The following CSF1R variants were observed in gnomAD, a reference collection of about 807,000 sequenced individuals.
CSF1R encodes the protein colony stimulating factor 1 receptor.
In CSF1R, 40 loss-of-function variants were observed where a neutral mutation model predicts 110.0. The observed-to-expected ratio is 0.36, with a 90% confidence interval of 0.28 to 0.47. The LOEUF (loss-of-function observed/expected upper bound fraction) is 0.47, where lower values mean the gene tolerates loss of function less well. Ranked by LOEUF, CSF1R falls within the 20% of genes least tolerant of loss-of-function variation. The pLI, the probability that CSF1R is intolerant of heterozygous loss-of-function variation, is 0.99. For synonymous variants in CSF1R, 523 were observed against 503.4 expected (o/e 1.04, Z -0.52); for missense variants, 1,052 against 1,253.0 (o/e 0.84, Z 2.42).
chr5:150,069,864 C>T lies in CSF1R; in HGVS notation c.1510+9G>A, dbSNP rs1757955626. 3 of 1,597,848 alleles carry T rather than the reference C, an allele frequency of 1.9e-6. No homozygotes were observed. Among genetic ancestry groups the T allele is most frequent in the South Asian group, 1.1e-5 (1 of 89,934 alleles). On this transcript the variant is annotated intron_variant, in intron 9 of 20. Transcript: ENST00000675795. ...GGGGGGCGGTGCGGGTGCGAAGGCT[C>T]CCTCTCACCTGCAGAGATGGGTATG...
chr5:150,062,294 C>A (rs1254120754), intron 10 of CSF1R, among the ~76,000 whole-genome samples: 2 of 139,954 alleles, frequency 1.4e-5, no homozygotes, highest in Non-Finnish European at 3.1e-5. Flanking sequence ...ATGAAATTTA[C>A]CATTTCAACC....
intron 10 of CSF1R, among the ~76,000 whole-genome samples, chr5:150,064,760 A>T (rs77972686): frequency 0.013 from 1,998 of 152,158 alleles, 40 homozygotes; most frequent in African/African-American, 0.045. Context: ...ATCAAGGAGG[A>T]TGGAGGTTTG....
In CSF1R at chr5:150,060,985, A is replaced by G; in HGVS notation, c.1859-13T>C. On this transcript the variant is annotated splice_polypyrimidine_tract_variant and intron_variant, in intron 12 of 20. Coordinates refer to ENST00000675795, the MANE Select transcript of CSF1R (RefSeq NM_001288705.3). ...GCATGGGCCGTGGCTGGGAGGAAGAACCACAGTCCCAAAGACAGGGAGAGG... is the reference window on the plus strand; with the variant it reads ...GCATGGGCCGTGGCTGGGAGGAAGAGCCACAGTCCCAAAGACAGGGAGAGG... 6.4e-7 allele frequency: 1 copy of G among 1,571,226 alleles called. No homozygotes were observed. The highest frequency in any genetic ancestry group is 8.7e-7 in the Non-Finnish European group (1 of 1,152,526).
In CSF1R at chr5:150,080,106, G is replaced by A; in HGVS notation, c.538C>T (p.Leu180=). 1.2e-6 allele frequency: 2 copies of A among 1,614,146 alleles called. No homozygotes were observed. Among genetic ancestry groups the A allele is most frequent in the South Asian group, 2.2e-5 (2 of 91,082 alleles). ...GACATCACCTTCCTGCCACCCATCA[G>A]GGCACTGCATTGATAGTCCTGGCTC... ...IQSQDYQCSA[L]MGGRKVMSIS... is the part of the protein sequence containing the mutation. The change falls in exon 3 of 21, where the codon CTG becomes TTG. Residue 180 remains leucine, a synonymous_variant. Coordinates refer to ENST00000675795, the MANE Select transcript of CSF1R (RefSeq NM_001288705.3).
intron 9 of CSF1R, 80 bp downstream of exon 9, chr5:150,069,793 G>A: frequency 7.9e-7 from 1 of 1,261,852 alleles, no homozygotes; most frequent in East Asian, 3.0e-5. Context: ...CCTCGGTGGG[G>A]GGTGGGGGAG....
At chr5:150,096,431 A>G (rs1759225085) in intron 1 of CSF1R, among the ~76,000 whole-genome samples, 1 of 152,222 alleles carries the variant, frequency 6.6e-6, no homozygotes, top group African/African-American at 2.4e-5. Flanking sequence ...CAATTCTACA[A>G]AAACTGTTTA....
intron 1 of CSF1R, among the ~76,000 whole-genome samples, chr5:150,108,327 G>A (rs1011411102): frequency 6.6e-6 from 1 of 152,134 alleles, no homozygotes; most frequent in African/African-American, 2.4e-5. Context: ...TAAAAGACTG[G>A]GCATTCTAGG....
chr5:150,101,659 TC>T (rs1759408778), intron 1 of CSF1R, among the ~76,000 whole-genome samples: 1 of 136,186 alleles, frequency 7.3e-6, no homozygotes, highest in Non-Finnish European at 1.6e-5. Context: ...TTCCTTGCCT[TC>T]TTTTTTTTTT....
At chr5:150,078,359 C>T in intron 3 of CSF1R, 111 bp from the exon 4 acceptor site, 1 of 1,371,140 alleles carries the variant, frequency 7.3e-7, no homozygotes, top group Non-Finnish European at 9.8e-7. Flanking sequence ...CCCATCACTG[C>T]CCCATCCCAA....
chr5:150,110,953 G>A (rs1028382507), intron 1 of CSF1R, among the ~76,000 whole-genome samples: 2 of 150,912 alleles, frequency 1.3e-5, no homozygotes, highest in African/African-American at 4.9e-5. Context: ...TATTAAGATG[G>A]AATCACTGCT....
At chr5:150,092,337 C>CA (rs1355601605) in intron 1 of CSF1R, among the ~76,000 whole-genome samples, 1 of 152,220 alleles carries the variant, frequency 6.6e-6, no homozygotes, top group African/African-American at 2.4e-5. Flanking sequence ...ATTTCACTTT[C>CA]ACATATGCAT....
At chr5:150,081,835 G>T (rs961452490) in intron 1 of CSF1R, among the ~76,000 whole-genome samples, 9 of 152,214 alleles carry the variant, frequency 5.9e-5, no homozygotes. Flanking sequence ...GGAGAAAAGA[G>T]AACTTGAAAC....
At chr5:150,106,418 G>A (rs888795981) in intron 1 of CSF1R, among the ~76,000 whole-genome samples, 1 of 152,030 alleles carries the variant, frequency 6.6e-6, no homozygotes, top group East Asian at 1.9e-4. Flanking sequence ...CCACCCTCCT[G>A]CCCAGTTAAC....
At chr5:150,054,993 CAAAAAAAA>C (rs11342950) in intron 19 of CSF1R, among the ~76,000 whole-genome samples, 3 of 74,786 alleles carry the variant, frequency 4.0e-5, no homozygotes, top group Admixed American at 1.4e-4. Flanking sequence ...GATGCTGTCT[CAAAAAAAA>C]AAAAAAAAAA....
At chr5:150,101,008 C>T (rs143587422) in intron 1 of CSF1R, among the ~76,000 whole-genome samples, 417 of 152,026 alleles carry the variant, frequency 2.7e-3, no homozygotes, top group African/African-American at 9.4e-3. Context: ...CATGAATGGT[C>T]CCAATTCTTC....
chr5:150,060,497 G>T (rs533309335), intron 13 of CSF1R, among the ~76,000 whole-genome samples: 3 of 152,166 alleles, frequency 2.0e-5, no homozygotes, highest in African/African-American at 7.2e-5. Flanking sequence ...CACCTTTGGG[G>T]GCCCTGGGGA....
In CSF1R at chr5:150,080,762, C is replaced by T. The variant is rs886060258; in HGVS notation, c.307+5G>A. On this transcript the variant is annotated splice_donor_5th_base_variant and intron_variant, in intron 2 of 20. Coordinates refer to ENST00000675795, the MANE Select transcript of CSF1R (RefSeq NM_001288705.3). The stretch of plus-strand genomic sequence containing the variant: ...GCCTCTTGGGAGGAGGCTCAGACTC[C>T]TCACCTTTGACATAGAGGTGGATGG... The T allele has an allele frequency of 1.9e-6, 3 of 1,614,036 alleles. No homozygotes were observed. The highest frequency in any genetic ancestry group is 1.1e-5 in the South Asian group (1 of 91,068).
intron 2 of CSF1R, 38 bp downstream of exon 2, chr5:150,080,729 C>A (rs372581926): frequency 6.2e-7 from 1 of 1,611,982 alleles, no homozygotes; most frequent in South Asian, 1.1e-5. Context: ...TGGGGCCTGC[C>A]GGGTCAGGCC....
intron 1 of CSF1R, among the ~76,000 whole-genome samples, chr5:150,096,842 A>G (rs1473254600): frequency 6.6e-6 from 1 of 152,246 alleles, no homozygotes; most frequent in Admixed American, 6.5e-5. Context: ...TACCACTAAC[A>G]TTAAACTTAG....
Sources: gnomAD v4.1 joint callset for allele counts (sites outside exome capture counted in the v4.1 genomes callset) on GRCh38, gnomAD v4.1.1 for gene constraint, MANE v1.5 for transcripts, NCBI Gene and HGNC (gene_info 2026-07-23, HGNC 2026-07-21) for gene names.